Variants in EFNA5 observed in about 807,000 individuals in gnomAD.
The protein encoded by EFNA5 is ephrin A5, also known as ephrin-A5.
A neutral mutation model predicts 22.9 loss-of-function variants in EFNA5; 5 were observed. The ratio of observed to expected loss-of-function variants is 0.22; its 90% CI spans 0.11 to 0.46. The LOEUF (loss-of-function observed/expected upper bound fraction) is 0.46. Among genes scored for constraint, EFNA5 ranks in the 20% least tolerant of loss-of-function variants. The pLI, the probability that EFNA5 is intolerant of heterozygous loss-of-function variation, is 0.99. For synonymous variants in EFNA5, 113 were observed against 112.2 expected (o/e 1.01, Z -0.04); for missense variants, 237 against 293.3 (o/e 0.81, Z 1.40).
chr5:107,413,107 A>G (rs1392025331), intron 2 of EFNA5, among the ~76,000 whole-genome samples: 1 of 152,188 alleles, frequency 6.6e-6, no homozygotes, highest in Non-Finnish European at 1.5e-5. Flanking sequence ...AACTTGAAGC[A>G]TGGGTTGAAG....
chr5:107,394,146 T>C (rs1195843402), intron 2 of EFNA5, among the ~76,000 whole-genome samples: 1 of 152,194 alleles, frequency 6.6e-6, no homozygotes, highest in Non-Finnish European at 1.5e-5. Flanking sequence ...ATTCTAACTT[T>C]TGGGATTTAA....
chr5:107,603,118 T>G (rs549307440), intron 1 of EFNA5, among the ~76,000 whole-genome samples: 211 of 152,276 alleles, frequency 1.4e-3, no homozygotes, highest in Non-Finnish European at 2.4e-3. Context: ...TTTAGAACAT[T>G]TGCAATGAGA....
intron 1 of EFNA5, among the ~76,000 whole-genome samples, chr5:107,565,314 G>T (rs1748642897): frequency 6.6e-6 from 1 of 152,156 alleles, no homozygotes; most frequent in African/African-American, 2.4e-5. Context: ...TATGCTATGT[G>T]ACCTAAATGC....
At chr5:107,584,330 C>T (rs765119885) in intron 1 of EFNA5, among the ~76,000 whole-genome samples, 34 of 152,298 alleles carry the variant, frequency 2.2e-4, no homozygotes, top group Non-Finnish European at 3.1e-4. Flanking sequence ...GGCCTCTAAA[C>T]GCCAAGGAGG....
In EFNA5 at chr5:107,670,471, C is replaced by G; in HGVS notation, c.125+18G>C. 1 of 1,552,068 alleles carries G rather than the reference C, an allele frequency of 6.4e-7. No individual in the cohort carries two copies. Among genetic ancestry groups the G allele is most frequent in the Non-Finnish European group, 8.7e-7 (1 of 1,147,300 alleles). ...CGAGGCCCGGGTAGCCCTGGCTCTC[C>G]GCCTGTTATCGGCTTACCTGGGGTT... On this transcript the variant is annotated intron_variant, in intron 1 of 4. Coordinates refer to ENST00000333274, the MANE Select transcript of EFNA5 (RefSeq NM_001962.3).
At chr5:107,622,427 G>A (rs1276886011) in intron 1 of EFNA5, among the ~76,000 whole-genome samples, 1 of 152,136 alleles carries the variant, frequency 6.6e-6, no homozygotes, top group African/African-American at 2.4e-5. Flanking sequence ...CTTTCCAGGT[G>A]AACAAAAATA....
intron 2 of EFNA5, among the ~76,000 whole-genome samples, chr5:107,390,646 C>A (rs1747767222): frequency 6.6e-6 from 1 of 151,550 alleles, no homozygotes; most frequent in African/African-American, 2.4e-5. Flanking sequence ...TCATGGCCAA[C>A]TTTATCTTAG....
chr5:107,459,405 CA>C (rs1208319078), intron 1 of EFNA5, among the ~76,000 whole-genome samples: 1 of 146,448 alleles, frequency 6.8e-6, no homozygotes, highest in African/African-American at 2.5e-5. Context: ...TGTAGAACAA[CA>C]AAGCAGAACA....
At chr5:107,545,299 A>G (rs1748122928) in intron 1 of EFNA5, among the ~76,000 whole-genome samples, 1 of 152,254 alleles carries the variant, frequency 6.6e-6, no homozygotes, top group South Asian at 2.1e-4. Flanking sequence ...TCAAAAACAC[A>G]TGCAGTATTT....
intron 1 of EFNA5, among the ~76,000 whole-genome samples, chr5:107,531,495 A>T (rs907485483): frequency 6.6e-6 from 1 of 152,176 alleles, no homozygotes; most frequent in Admixed American, 6.6e-5. Context: ...CGTGATACCT[A>T]TCCTCCAATA....
At chr5:107,580,540 C>T (rs758209935) in intron 1 of EFNA5, among the ~76,000 whole-genome samples, 8 of 151,724 alleles carry the variant, frequency 5.3e-5, no homozygotes, top group South Asian at 4.2e-4. Context: ...CTGGCTAACA[C>T]GGTGAAACCC....
At chr5:107,498,136 G>C (rs1278621146) in intron 1 of EFNA5, among the ~76,000 whole-genome samples, 2 of 152,140 alleles carry the variant, frequency 1.3e-5, no homozygotes, top group African/African-American at 4.8e-5. Flanking sequence ...GGCTGGCCTT[G>C]AGCTCCTGAC....
intron 2 of EFNA5, among the ~76,000 whole-genome samples, chr5:107,399,652 A>G (rs1348585037): frequency 1.3e-5 from 2 of 152,316 alleles, no homozygotes; most frequent in East Asian, 3.9e-4. Context: ...AATTCCTCTA[A>G]TCATGAAGAT....
chr5:107,613,608 G>A (rs1362856596), intron 1 of EFNA5, among the ~76,000 whole-genome samples: 1 of 151,982 alleles, frequency 6.6e-6, no homozygotes, highest in African/African-American at 2.4e-5. Flanking sequence ...GCACCTTGAA[G>A]GAAATCATTT....
At chr5:107,472,894 A>G (rs1015865083) in intron 1 of EFNA5, among the ~76,000 whole-genome samples, 5 of 152,216 alleles carry the variant, frequency 3.3e-5, no homozygotes, top group African/African-American at 7.2e-5. Context: ...AGGGATGCAA[A>G]TGTCGAGCTG....
In EFNA5 at chr5:107,557,934, C is replaced by T. The variant is rs111711913; in HGVS notation, c.125+112555G>A. Among the ~76,000 whole-genome samples, 111 of 152,146 alleles carry T rather than the reference C, an allele frequency of 7.3e-4. No homozygotes were observed. The Middle Eastern group carries it at 0.01, about 14-fold the overall frequency. ...CAGACAATTTCTCAAAAATATTATG[C>T]AAGATAAAACAAGCACAAAATTGCA... On this transcript the variant is annotated intron_variant, in intron 1 of 4. Coordinates refer to ENST00000333274, the MANE Select transcript of EFNA5 (RefSeq NM_001962.3).
At chr5:107,569,451 G>GTGTGTATATATATTTATATATA (rs1445262983) in intron 1 of EFNA5, among the ~76,000 whole-genome samples, 72 of 136,658 alleles carry the variant, frequency 5.3e-4, no homozygotes, top group African/African-American at 1.1e-3. Flanking sequence ...TTATATATGT[G>GTGTGTATATATATTTATATATA]TGTGTATATA....
chr5:107,502,308 G>T lies in EFNA5; in HGVS notation c.126-74799C>A, dbSNP rs564973666. 1.8e-3 allele frequency among the ~76,000 whole-genome samples: 277 copies of T among 152,322 alleles called. 1 individual carries two copies. Among genetic ancestry groups the T allele is most frequent in the African/African-American group, 6.3e-3 (262 of 41,578 alleles). Reference sequence around the variant, plus strand: ...TGCCGTCTCTGTTGTGTTTAGACCAGTCTCGTCTTAGCCACGAGCTAACAG... The same window carrying T: ...TGCCGTCTCTGTTGTGTTTAGACCATTCTCGTCTTAGCCACGAGCTAACAG... On this transcript the variant is annotated intron_variant, in intron 1 of 4. Transcript: ENST00000333274.
chr5:107,467,622 C>T (rs1750025666), intron 1 of EFNA5, among the ~76,000 whole-genome samples: 1 of 152,120 alleles, frequency 6.6e-6, no homozygotes, highest in Admixed American at 6.6e-5. Flanking sequence ...ACGTGGATAA[C>T]CAAAGTGTGA....
Sources: gnomAD v4.1 joint callset for allele counts (sites outside exome capture counted in the v4.1 genomes callset) on GRCh38, gnomAD v4.1.1 for gene constraint, MANE v1.5 for transcripts, NCBI Gene and HGNC (gene_info 2026-07-23, HGNC 2026-07-21) for gene names.